The following ROBO1 variants were observed in gnomAD, a reference collection of about 807,000 sequenced individuals.
The protein encoded by ROBO1 is roundabout homolog 1.
A neutral mutation model predicts 195.9 loss-of-function variants in ROBO1; 149 were observed. The observed-to-expected ratio is 0.76, with a 90% CI of 0.67 to 0.87. The LOEUF is 0.87. Ranked by LOEUF, ROBO1 falls within the 40% of genes least tolerant of loss-of-function variation. ROBO1 has a pLI of 0.00. For synonymous variants in ROBO1, 816 were observed against 733.2 expected (o/e 1.11, Z -1.82); for missense variants, 1,933 against 2,068.3 (o/e 0.93, Z 1.27).
intron 5 of ROBO1, among the ~76,000 whole-genome samples, chr3:78,735,309 TA>T (rs1282082038): frequency 2.0e-5 from 3 of 152,120 alleles, no homozygotes; most frequent in African/African-American, 7.2e-5. Flanking sequence ...TTGATTCTCA[TA>T]AGGATCCTAA....
At chr3:79,270,948 T>C (rs1576903260) in intron 2 of ROBO1, among the ~76,000 whole-genome samples, 2 of 152,046 alleles carry the variant, frequency 1.3e-5, no homozygotes, top group Admixed American at 6.6e-5. Context: ...AAGAGCTACT[T>C]TTTTTACTTT....
At chr3:78,825,712 T>C (rs1345865919) in intron 4 of ROBO1, among the ~76,000 whole-genome samples, 1 of 152,188 alleles carries the variant, frequency 6.6e-6, no homozygotes, top group Non-Finnish European at 1.5e-5. Flanking sequence ...TCAGCTCTGT[T>C]TCAAATTCAA....
chr3:78,856,608 C>T (rs540781803), intron 4 of ROBO1, among the ~76,000 whole-genome samples: 1 of 150,954 alleles, frequency 6.6e-6, no homozygotes, highest in East Asian at 1.9e-4. Flanking sequence ...TGTGCCCTGA[C>T]CTTTAGGTGG....
chr3:79,539,521 A>G (rs1941990370), intron 2 of ROBO1, among the ~76,000 whole-genome samples: 1 of 152,228 alleles, frequency 6.6e-6, no homozygotes, highest in Non-Finnish European at 1.5e-5. Context: ...TCAATTATAT[A>G]TATTGAAACA....
At chr3:79,032,801 C>T (rs939936927) in intron 3 of ROBO1, among the ~76,000 whole-genome samples, 2 of 152,002 alleles carry the variant, frequency 1.3e-5, no homozygotes, top group Non-Finnish European at 2.9e-5. Context: ...AAGTTGATAG[C>T]AGGTCTCTTT....
intron 2 of ROBO1, among the ~76,000 whole-genome samples, chr3:79,235,780 T>C (rs1050374098): frequency 6.6e-6 from 1 of 152,124 alleles, no homozygotes; most frequent in African/African-American, 2.4e-5. Context: ...AGAGTCTGCT[T>C]TCCAGAGACC....
chr3:79,170,038 A>G (rs541760732), intron 2 of ROBO1, among the ~76,000 whole-genome samples: 6 of 152,274 alleles, frequency 3.9e-5, no homozygotes, highest in Non-Finnish European at 7.4e-5. Context: ...GAGAGAGAGA[A>G]AACACACTCT....
chr3:79,191,516 T>C (rs2081539835), intron 2 of ROBO1, among the ~76,000 whole-genome samples: 1 of 151,366 alleles, frequency 6.6e-6, no homozygotes, highest in Non-Finnish European at 1.5e-5. Flanking sequence ...ATTAACTGTG[T>C]GAAGTGCACA....
chr3:79,507,736 A>G (rs1007648061), intron 2 of ROBO1, among the ~76,000 whole-genome samples: 1 of 152,146 alleles, frequency 6.6e-6, no homozygotes, highest in South Asian at 2.1e-4. Context: ...ACAATATAAC[A>G]TTTAGCAACA....
intron 1 of ROBO1, among the ~76,000 whole-genome samples, chr3:79,724,378 G>GC (rs1445320610): frequency 6.6e-6 from 1 of 152,174 alleles, no homozygotes; most frequent in Non-Finnish European, 1.5e-5. Context: ...GATATTCGCT[G>GC]CCCCCTGGTG....
intron 2 of ROBO1, among the ~76,000 whole-genome samples, chr3:79,474,934 A>G (rs997603408): frequency 9.9e-5 from 15 of 152,032 alleles, no homozygotes; most frequent in African/African-American, 3.6e-4. Flanking sequence ...CTTAATTGCT[A>G]GGTGATTTTG....
chr3:79,554,774 T>C (rs2107685532), intron 2 of ROBO1, among the ~76,000 whole-genome samples: 1 of 152,240 alleles, frequency 6.6e-6, no homozygotes, highest in African/African-American at 2.4e-5. Flanking sequence ...GAAGTATGTG[T>C]TAATCATCTT....
intron 2 of ROBO1, among the ~76,000 whole-genome samples, chr3:79,423,633 G>C (rs1008273801): frequency 1.1e-4 from 17 of 151,962 alleles, no homozygotes; most frequent in African/African-American, 4.1e-4. Context: ...TGGCTCAATT[G>C]ACTTGATACA....
chr3:79,705,953 A>T (rs1947757862), intron 1 of ROBO1, among the ~76,000 whole-genome samples: 1 of 152,124 alleles, frequency 6.6e-6, no homozygotes, highest in South Asian at 2.1e-4. Flanking sequence ...TTTTTAATCT[A>T]AAATTCCACT....
At chr3:78,631,409 A>G (rs1293123543) in intron 24 of ROBO1, 104 bp from the exon 25 acceptor site, 18 of 1,253,780 alleles carry the variant, frequency 1.4e-5, no homozygotes, top group Non-Finnish European at 1.8e-5. Flanking sequence ...TAATTCATTT[A>G]TATATACAGA....
At chr3:79,406,001 G>T (rs945688903) in intron 2 of ROBO1, among the ~76,000 whole-genome samples, 1 of 152,026 alleles carries the variant, frequency 6.6e-6, no homozygotes, top group African/African-American at 2.4e-5. Flanking sequence ...TGGAAAAATA[G>T]CAATGGTAGT....
chr3:79,252,193 C>T (rs1398181902), intron 2 of ROBO1, among the ~76,000 whole-genome samples: 1 of 151,856 alleles, frequency 6.6e-6, no homozygotes, highest in African/African-American at 2.4e-5. Context: ...AAATATACAA[C>T]TTATTATGTG....
At chr3:79,344,978 TAA>T (rs1360727057) in intron 2 of ROBO1, among the ~76,000 whole-genome samples, 3 of 152,182 alleles carry the variant, frequency 2.0e-5, no homozygotes, top group African/African-American at 7.2e-5. Context: ...ACCATGATTA[TAA>T]GTTTCCTGAG....
intron 2 of ROBO1, among the ~76,000 whole-genome samples, chr3:79,416,317 A>T (rs1480239275): frequency 1.3e-5 from 2 of 151,902 alleles, no homozygotes; most frequent in African/African-American, 4.8e-5. Flanking sequence ...CGAAAGAGGT[A>T]AAATTGGGCA....
Sources: allele counts gnomAD v4.1 joint callset (sites outside exome capture counted in the v4.1 genomes callset), GRCh38; gene constraint gnomAD v4.1.1; transcripts MANE v1.5; gene names NCBI Gene and HGNC (gene_info 2026-07-23, HGNC 2026-07-21).